The following SPG11 variants were observed in gnomAD, a reference collection of about 807,000 sequenced individuals.
The protein encoded by SPG11 is spatacsin.
A neutral mutation model predicts 274.0 loss-of-function variants in SPG11; 222 were observed. The observed-to-expected ratio is 0.81, with a 90% CI of 0.73 to 0.91. The LOEUF is 0.91. SPG11 is among the 40% of genes least tolerant of loss of function. The pLI is 0.00. For missense variants in SPG11, 3,114 were observed against 2,872.7 expected, an observed-to-expected ratio of 1.08 and a Z score of -1.92; for synonymous variants, 1,144 against 1,039.7, an observed-to-expected ratio of 1.10 and a Z score of -1.93.
intron 4 of SPG11, among the ~76,000 whole-genome samples, chr15:44,654,380 T>C (rs1051252135): frequency 6.6e-6 from 1 of 151,838 alleles, no homozygotes; most frequent in East Asian, 1.9e-4. Context: ...TGGTGGCACA[T>C]GCCTATAATC....
chr15:44,573,346 A>C, intron 32 of SPG11: 1 of 651,472 alleles, frequency 1.5e-6, no homozygotes. Flanking sequence ...AACAATAAAA[A>C]GCAACAGCAT....
Position 44,593,308 on chromosome 15 carries a change from C to G in SPG11, c.4636-870G>C, listed in dbSNP as rs141204637. On this transcript the variant is annotated intron_variant, in intron 26 of 39. Coordinates refer to ENST00000261866, the MANE Select transcript of SPG11 (RefSeq NM_025137.4). ...TTGACCTCAGGTGATCCTCCCACCT[C>G]AGCTTCTAGAGTAGCTGGGACTAGA... Among the ~76,000 whole-genome samples, 18 of 152,248 alleles carry G rather than the reference C, an allele frequency of 1.2e-4. No homozygotes were observed. In the East Asian group the frequency reaches 3.5e-3, roughly 29 times the overall value.
At chr15:44,661,240 A>G (rs534241420) in intron 1 of SPG11, among the ~76,000 whole-genome samples, 19 of 152,318 alleles carry the variant, frequency 1.2e-4, no homozygotes, top group Admixed American at 2.0e-4. Flanking sequence ...TACCATTACT[A>G]AACGGTAGAG....
chr15:44,615,268 A>G lies in SPG11; in HGVS notation c.3038+95T>C, dbSNP rs566779192. 1.0e-4 allele frequency: 119 copies of G among 1,186,500 alleles called. No homozygotes were observed. The African/African-American group carries it at 1.6e-3, about 16-fold the overall frequency. The allele number at this position is 1,186,500 out of a possible 1,614,324, so 73.5% of individuals were successfully genotyped here. ...AAAAAGATCAGTATTCCTCGTGTGA[A>G]TGCTTACTATTTTCCTAAAAGTCAC... On this transcript the variant is annotated intron_variant, in intron 16 of 39. Coordinates refer to ENST00000261866, the MANE Select transcript of SPG11 (RefSeq NM_025137.4).
intron 8 of SPG11, among the ~76,000 whole-genome samples, 188 bp downstream of exon 8, chr15:44,633,315 ACT>A (rs1184988437): frequency 1.8e-5 from 2 of 112,530 alleles, no homozygotes; most frequent in African/African-American, 3.5e-5. Flanking sequence ...ACAGAGTGAG[ACT>A]CTGTCTCAAA....
In SPG11 at chr15:44,612,479, ATC is replaced by A. The variant is rs201058208; in HGVS notation, c.3145+949_3145+950del. 2.5e-3 allele frequency among the ~76,000 whole-genome samples: 379 copies of A among 152,160 alleles called. 2 individuals carry two copies. The highest frequency in any genetic ancestry group is 8.6e-3 in the African/African-American group (357 of 41,500). Reference sequence around the variant, plus strand: ...AACTAGGCTGGAGTGCAGTGACACAATCTCTAATCCCTGGGCTCAAGTGATCC... The same window carrying A: ...AACTAGGCTGGAGTGCAGTGACACAATCTAATCCCTGGGCTCAAGTGATCC... On this transcript the variant is annotated intron_variant, in intron 17 of 39. Coordinates refer to ENST00000261866, the MANE Select transcript of SPG11 (RefSeq NM_025137.4).
chr15:44,570,988 C>G (rs1464878042), intron 33 of SPG11, among the ~76,000 whole-genome samples: 3 of 152,112 alleles, frequency 2.0e-5, no homozygotes, highest in Non-Finnish European at 4.4e-5. Flanking sequence ...GAGTTCCTGC[C>G]AACATGAATC....
chr15:44,637,837 C>T (rs1440457146), intron 7 of SPG11, among the ~76,000 whole-genome samples: 5 of 152,034 alleles, frequency 3.3e-5, no homozygotes, highest in African/African-American at 1.2e-4. Flanking sequence ...TAAAACAGCC[C>T]CAGGTAAGTC....
rs150563543 is a variant in SPG11 at position 44,568,503 on chromosome 15, A to G, written c.6585+895T>C. Among the ~76,000 whole-genome samples the G allele has an allele frequency of 8.0e-3, 1,212 of 152,308 alleles. 15 individuals carry two copies. The highest frequency in any genetic ancestry group is 0.015 in the Non-Finnish European group (1,032 of 68,018). ...ATGAGCAGAAGCAATGAATCATCCA[A>G]ATGTTCTGGAAACAGGTACTGTGAG... On this transcript the variant is annotated intron_variant, in intron 35 of 39. Coordinates refer to ENST00000261866, the MANE Select transcript of SPG11 (RefSeq NM_025137.4).
In SPG11 at chr15:44,566,316, AAT is replaced by A. The variant is rs1424196527; in HGVS notation, c.6755-13_6755-12del. 5 of 1,613,130 alleles carry A rather than the reference AAT, an allele frequency of 3.1e-6. No homozygotes were observed. The African/African-American group carries it at 5.3e-5, about 17-fold the overall frequency. On this transcript the variant is annotated splice_polypyrimidine_tract_variant and intron_variant, in intron 36 of 39. Coordinates refer to ENST00000261866, the MANE Select transcript of SPG11 (RefSeq NM_025137.4). ...CCTTGAGGCTGTCCTCTGTAGGGGA[AAT>A]AAAGAAGATTTGCCGAGTCTGACTC...
At chr15:44,642,364 CAAAA>C (rs36011354) in intron 7 of SPG11, among the ~76,000 whole-genome samples, 1 of 44,552 alleles carries the variant, frequency 2.2e-5, no homozygotes. Flanking sequence ...GACTCCATCT[CAAAA>C]AAAAAAAAAA....
At chr15:44,565,717 G>C in intron 38 of SPG11, 137 bp downstream of exon 38, 2 of 1,070,254 alleles carry the variant, frequency 1.9e-6, no homozygotes, top group Non-Finnish European at 2.8e-6. Context: ...GTTCTATGTT[G>C]GTATCAGAGA....
chr15:44,628,596 C>A (rs1444558925), intron 10 of SPG11, 73 bp downstream of exon 10: 1 of 1,363,080 alleles, frequency 7.3e-7, no homozygotes. Context: ...AGTCTGAATT[C>A]TGTTTCTTTC....
At chr15:44,617,807 C>G (rs1313200193) in intron 15 of SPG11, among the ~76,000 whole-genome samples, 1 of 152,062 alleles carries the variant, frequency 6.6e-6, no homozygotes, top group African/African-American at 2.4e-5. Context: ...TTCTGAGTAG[C>G]TGGGATTACA....
At chr15:44,576,683 T>A (rs1332677741) in intron 30 of SPG11, among the ~76,000 whole-genome samples, 1 of 151,972 alleles carries the variant, frequency 6.6e-6, no homozygotes, top group African/African-American at 2.4e-5. Context: ...TCTATCTATA[T>A]GTACTGAGAG....
rs1457801449 is a variant in SPG11 at position 44,621,399 on chromosome 15, GCTA to G, written c.2620+357_2620+359del. ...AAGCCAGAATTTTACTCTCTGAATT[GCTA>G]CTGTTTACCACTGTTAGTTATGACC... is the stretch of plus-strand genomic sequence containing the variant. On this transcript the variant is annotated intron_variant, in intron 14 of 39. Transcript: ENST00000261866. 2.9e-4 allele frequency: 50 copies of G among 174,296 alleles called. 2 individuals carry two copies. In the South Asian group the frequency reaches 4.9e-3, roughly 17 times the overall value. The allele number at this position is 174,296 out of a possible 1,614,324, so 10.8% of individuals were successfully genotyped here.
chr15:44,622,264 A>G lies in SPG11; in HGVS notation c.2400T>C (p.Tyr800=), dbSNP rs1361146208. The G allele has an allele frequency of 6.2e-7, 1 of 1,611,676 alleles. No individual in the cohort carries two copies. The highest frequency in any genetic ancestry group is 1.1e-5 in the South Asian group (1 of 90,968). ...IDFVHQVEKL[Y]LGHFQENMQI... is the part of the protein sequence containing the mutation. ...GCATATTTTCTTGGAAATGTCCCAA[A>G]TAAAGCTTCTCAACTTGATGCACGA... Residue 800 remains tyrosine, a synonymous_variant, in exon 13 of 40, where the codon TAT becomes TAC. Coordinates refer to ENST00000261866, the MANE Select transcript of SPG11 (RefSeq NM_025137.4).
chr15:44,595,471 T>C lies in SPG11; in HGVS notation c.4435-12A>G. On this transcript the variant is annotated splice_polypyrimidine_tract_variant and intron_variant, in intron 25 of 39. Transcript: ENST00000261866. ...ATGGCACTGGCACCCTGCCACGGGA[T>C]AAATAAAATAACAACTAGGCCTGGA... 1 of 1,613,468 alleles carries C rather than the reference T, an allele frequency of 6.2e-7. No individual in the cohort carries two copies. The highest frequency in any genetic ancestry group is 8.5e-7 in the Non-Finnish European group (1 of 1,179,504).
chr15:44,565,996 C>T lies in SPG11; in HGVS notation c.6857G>A (p.Arg2286Gln), dbSNP rs370773328. 59 of 1,613,552 alleles carry T rather than the reference C, an allele frequency of 3.7e-5. No homozygotes were observed. Among genetic ancestry groups the T allele is most frequent in the South Asian group, 1.3e-4 (12 of 91,044 alleles). The change falls in exon 38 of 40, where the codon CGA becomes CAA. Residue 2286 changes from arginine (R) to glutamine (Q), a missense_variant. By Grantham distance (43) the Arg-to-Gln change is conservative (BLOSUM62 1). Transcript: ENST00000261866. ...AESYAKDSCVRQAQHCQRLTK... is the reference protein window; with the variant it reads ...AESYAKDSCVQQAQHCQRLTK... ...GAGCCGCTGACAGTGCTGGGCCTGT[C>T]GCACACAGGAGTCCTGAGGAACAAG...
Sources: gnomAD v4.1 joint callset for allele counts (sites outside exome capture counted in the v4.1 genomes callset) on GRCh38, gnomAD v4.1.1 for gene constraint, MANE v1.5 for transcripts, NCBI Gene and HGNC (gene_info 2026-07-23, HGNC 2026-07-21) for gene names.